The following COL14A1 variants were observed in gnomAD, a reference collection of about 807,000 sequenced individuals.
COL14A1 encodes the protein collagen type XIV alpha 1 chain.
In COL14A1, 136 loss-of-function variants were observed where a neutral mutation model predicts 230.3. That is an observed-to-expected ratio of 0.59 (90% CI 0.51 to 0.68). The LOEUF is 0.68. Ranked by LOEUF, COL14A1 falls within the 30% of genes least tolerant of loss-of-function variation. COL14A1 has a pLI of 0.00. For synonymous variants in COL14A1, 792 were observed against 784.1 expected (o/e 1.01, Z -0.17); for missense variants, 1,976 against 2,215.8 (o/e 0.89, Z 2.17).
chr8:120,152,480 A>C (rs1212284438), intron 2 of COL14A1, among the ~76,000 whole-genome samples: 1 of 151,200 alleles, frequency 6.6e-6, no homozygotes, highest in Non-Finnish European at 1.5e-5. Flanking sequence ...AAAAAAAAAA[A>C]AAAAAAAAAA....
Position 120,203,843 on chromosome 8 carries a change from G to A in COL14A1, c.1012G>A (p.Val338Met). 1.2e-6 allele frequency: 2 copies of A among 1,613,872 alleles called. No homozygotes were observed. Among genetic ancestry groups the A allele is most frequent in the Non-Finnish European group, 8.5e-7 (1 of 1,179,846 alleles). The change falls in exon 9 of 48, where the codon GTG (valine) becomes ATG (methionine). Residue 338 changes from valine (V) to methionine (M), a missense_variant. Transcript: ENST00000297848. ...ESLTRTLCSR[V>M]EEQDREIKAS... ...TCTGACCAGGACTCTCTGCTCTAGAGTGGAAGAACAGGACAGAGAAATTAA... is the reference window on the plus strand; with the variant it reads ...TCTGACCAGGACTCTCTGCTCTAGAATGGAAGAACAGGACAGAGAAATTAA...
intron 1 of COL14A1, among the ~76,000 whole-genome samples, chr8:120,139,654 C>T (rs776533133): frequency 1.1e-4 from 16 of 152,092 alleles, no homozygotes; most frequent in African/African-American, 2.9e-4. Flanking sequence ...CAACATGTTG[C>T]GATCATGCTA....
At chr8:120,360,767 T>C (rs1823173786) in intron 45 of COL14A1, among the ~76,000 whole-genome samples, 1 of 152,214 alleles carries the variant, frequency 6.6e-6, no homozygotes, top group Non-Finnish European at 1.5e-5. Flanking sequence ...GACTCCGGAT[T>C]CCCAGTGGCT....
intron 18 of COL14A1, among the ~76,000 whole-genome samples, chr8:120,230,167 C>A (rs1482093796): frequency 1.3e-5 from 2 of 152,152 alleles, no homozygotes. Context: ...CAGGCATGAG[C>A]CACCATGCCT....
chr8:120,157,615 C>T (rs919488002), intron 2 of COL14A1, among the ~76,000 whole-genome samples: 1 of 152,140 alleles, frequency 6.6e-6, no homozygotes, highest in East Asian at 1.9e-4. Context: ...ATGGATATCC[C>T]TTGGGTAAGA....
chr8:120,322,704 A>G (rs1233563919), intron 40 of COL14A1, among the ~76,000 whole-genome samples: 2 of 148,222 alleles, frequency 1.3e-5, no homozygotes, highest in African/African-American at 5.1e-5. Flanking sequence ...AGCTCCATCC[A>G]TGTCCTTGCA....
At position 120,345,525 on chromosome 8, in the gene COL14A1, C is replaced by T. The variant is rs750584569; in HGVS notation, c.5039C>T (p.Pro1680Leu). 6.4e-7 allele frequency: 1 copy of T among 1,571,980 alleles called. No individual in the cohort carries two copies. Among genetic ancestry groups the T allele is most frequent in the Non-Finnish European group, 8.6e-7 (1 of 1,165,038 alleles). ...GGACCCCCAGGCACACCAGGCTTCC[C>T]CGGAAATGCAGGCGTGCCAGGGACC... is the stretch of plus-strand genomic sequence containing the variant. Reference protein sequence around the residue: ...EQGPPGTPGFPGNAGVPGTPG... With the variant: ...EQGPPGTPGFLGNAGVPGTPG... Residue 1680 changes from proline to leucine, a missense_variant, in exon 45 of 48, where the codon CCC becomes CTC. Physicochemically the swap from Pro to Leu is moderately conservative, Grantham distance 98. Coordinates refer to ENST00000297848, the MANE Select transcript of COL14A1 (RefSeq NM_021110.4).
chr8:120,314,764 G>C (rs1821156736), intron 38 of COL14A1, among the ~76,000 whole-genome samples: 2 of 152,158 alleles, frequency 1.3e-5, no homozygotes, highest in Non-Finnish European at 2.9e-5. Context: ...ATGCCAATTT[G>C]TGTAATTACT....
chr8:120,370,352 T>C lies in COL14A1; in HGVS notation c.5312-800T>C, dbSNP rs1425950413. Reference sequence around the variant, plus strand: ...CTTATTAAGATCTGATCCCCTACAATGATTACCAGCACTGAAGTGGAAATC... The same window carrying C: ...CTTATTAAGATCTGATCCCCTACAACGATTACCAGCACTGAAGTGGAAATC... On this transcript the variant is annotated intron_variant, in intron 47 of 47. Coordinates refer to ENST00000297848, the MANE Select transcript of COL14A1 (RefSeq NM_021110.4). 9.3e-6 allele frequency: 15 copies of C among 1,612,176 alleles called. No individual in the cohort carries two copies. The African/African-American group carries it at 1.6e-4, about 17-fold the overall frequency.
At chr8:120,201,777 G>A (rs561689770) in intron 8 of COL14A1, among the ~76,000 whole-genome samples, 1 of 152,276 alleles carries the variant, frequency 6.6e-6, no homozygotes, top group East Asian at 1.9e-4. Context: ...AGGCATTGTG[G>A]AGGTTGTTGG....
intron 1 of COL14A1, among the ~76,000 whole-genome samples, chr8:120,132,917 G>A (rs953329720): frequency 2.0e-5 from 3 of 151,956 alleles, no homozygotes; most frequent in Admixed American, 2.0e-4. Context: ...TAAAAATACC[G>A]TGCTATTATA....
At position 120,270,153 on chromosome 8, in the gene COL14A1, G is replaced by C; in HGVS notation, c.3192G>C (p.Lys1064Asn). The stretch of plus-strand genomic sequence containing the variant: ...ACAGCACTGTTGGAGCCCTGAACAA[G>C]ATTGGCACAGATGGAACCCAAGTAA... ...FLYSTVGALNKIGTDGTQVAM... is the reference protein window; with the variant it reads ...FLYSTVGALNNIGTDGTQVAM... Residue 1064 changes from lysine (K) to asparagine (N), a missense_variant, in exon 26 of 48, where the codon AAG becomes AAC. Physicochemically the swap from Lys to Asn is moderately conservative, Grantham distance 94. Coordinates refer to ENST00000297848, the MANE Select transcript of COL14A1 (RefSeq NM_021110.4). 4 of 1,610,642 alleles carry C rather than the reference G, an allele frequency of 2.5e-6. No homozygotes were observed. Among genetic ancestry groups the C allele is most frequent in the Non-Finnish European group, 3.4e-6 (4 of 1,177,974 alleles).
At chr8:120,218,912 T>C (rs1358456035) in intron 14 of COL14A1, among the ~76,000 whole-genome samples, 2 of 152,154 alleles carry the variant, frequency 1.3e-5, no homozygotes, top group South Asian at 2.1e-4. Context: ...AGTTGACTCA[T>C]TGAACAACGA....
At chr8:120,320,988 TAGTA>T (rs1821419102) in intron 40 of COL14A1, among the ~76,000 whole-genome samples, 1 of 152,214 alleles carries the variant, frequency 6.6e-6, no homozygotes, top group Non-Finnish European at 1.5e-5. Context: ...GCCACACAGC[TAGTA>T]AGTGTTAGAG....
rs774744866 is a variant in COL14A1 at position 120,209,904 on chromosome 8, A to G, written c.1467+3A>G. On this transcript the variant is annotated splice_donor_region_variant and intron_variant, in intron 12 of 47. Coordinates refer to ENST00000297848, the MANE Select transcript of COL14A1 (RefSeq NM_021110.4). ...GCCTGGCTGGGGATGAAAAAGAGGTAACCACTTCCTACCTATTACAGTCCT... is the reference window on the plus strand; with the variant it reads ...GCCTGGCTGGGGATGAAAAAGAGGTGACCACTTCCTACCTATTACAGTCCT... 1.1e-5 allele frequency: 17 copies of G among 1,601,214 alleles called. No homozygotes were observed. Among genetic ancestry groups the G allele is most frequent in the Non-Finnish European group, 1.4e-5 (17 of 1,175,302 alleles).
At chr8:120,323,591 G>T (rs758033466) in intron 40 of COL14A1, among the ~76,000 whole-genome samples, 25 of 152,134 alleles carry the variant, frequency 1.6e-4, no homozygotes, top group Non-Finnish European at 2.2e-4. Flanking sequence ...GTTAATATTT[G>T]TATATGGTAT....
intron 2 of COL14A1, among the ~76,000 whole-genome samples, chr8:120,156,209 G>A (rs765793232): frequency 5.4e-5 from 8 of 149,266 alleles, no homozygotes; most frequent in Non-Finnish European, 1.2e-4. Context: ...TCTCTGTCTC[G>A]TCCAGGCTGG....
intron 45 of COL14A1, among the ~76,000 whole-genome samples, chr8:120,365,110 T>C (rs532975135): frequency 1.3e-5 from 2 of 152,166 alleles, no homozygotes; most frequent in African/African-American, 2.4e-5. Context: ...AATGAGAAAA[T>C]TAAAACAACC....
At chr8:120,153,714 A>G (rs569939804) in intron 2 of COL14A1, among the ~76,000 whole-genome samples, 2 of 152,378 alleles carry the variant, frequency 1.3e-5, no homozygotes, top group African/African-American at 4.8e-5. Context: ...TGGTCAACTA[A>G]GCAAAAATGT....
Sources: gnomAD v4.1 joint callset for allele counts (sites outside exome capture counted in the v4.1 genomes callset) on GRCh38, gnomAD v4.1.1 for gene constraint, MANE v1.5 for transcripts, NCBI Gene and HGNC (gene_info 2026-07-23, HGNC 2026-07-21) for gene names.